Variants in AP3M2 observed in about 807,000 individuals in gnomAD.
AP3M2 encodes AP-3 complex subunit mu-2.
AP3M2 carries 28 observed loss-of-function variants against 41.6 expected under a neutral mutation model. That is an observed-to-expected ratio of 0.67 (90% confidence interval 0.50 to 0.92). The LOEUF (loss-of-function observed/expected upper bound fraction) is 0.92, where lower values mean the gene tolerates loss of function less well. AP3M2 is among the 40% of genes least tolerant of loss of function. The pLI is 0.00. For synonymous variants in AP3M2, 193 were observed against 186.4 expected (o/e 1.04, Z -0.29); for missense variants, 427 against 521.4 (o/e 0.82, Z 1.76).
At chr8:42,160,473 C>T (rs35076851) in intron 3 of AP3M2, among the ~76,000 whole-genome samples, 15,458 of 152,200 alleles carry the variant, frequency 0.1, 994 homozygotes, top group East Asian at 0.18. Context: ...TAAGTCCCTC[C>T]ACTTCACACT....
In AP3M2 at chr8:42,162,646, A is replaced by G. The variant is rs540251729; in HGVS notation, c.583+228A>G. Reference sequence around the variant, plus strand: ...CTTTATTGGTCTTATCCTCTTGAATAAAAAAGAGAAGTAACAGGCCAGATG... The same window carrying G: ...CTTTATTGGTCTTATCCTCTTGAATGAAAAAGAGAAGTAACAGGCCAGATG... On this transcript the variant is annotated intron_variant, in intron 4 of 8. Transcript: ENST00000396926. Among the ~76,000 whole-genome samples the G allele has an allele frequency of 6.6e-5, 10 of 152,222 alleles. No individual in the cohort carries two copies. In the South Asian group the frequency reaches 2.1e-3, roughly 32 times the overall value.
At chr8:42,158,213 C>T in intron 3 of AP3M2, 101 bp downstream of exon 3, 3 of 1,204,352 alleles carry the variant, frequency 2.5e-6, no homozygotes, top group Non-Finnish European at 3.5e-6. Context: ...TTGGGGATCT[C>T]AGGTGTCCCA....
rs1804724617 is a variant in AP3M2 at position 42,169,132 on chromosome 8, T to A, written c.*71T>A. 7.7e-7 allele frequency: 1 copy of A among 1,301,172 alleles called. No individual in the cohort carries two copies. The highest frequency in any genetic ancestry group is 1.1e-6 in the Non-Finnish European group (1 of 932,296). The allele number at this position is 1,301,172 out of a possible 1,614,324, so 80.6% of individuals were successfully genotyped here. On this transcript the variant is annotated 3_prime_UTR_variant, in exon 9 of 9. Transcript: ENST00000396926. ...TTACTTGTCTAAAAGTAAAAAAAAA[T>A]ATCAGCCTGTCTCCTAGGTCAGTCC...
chr8:42,153,535 TGGGCACCGCAGG>T (rs1488509896), intron 1 of AP3M2: 1 of 152,522 alleles, frequency 6.6e-6, no homozygotes, highest in African/African-American at 2.4e-5. Flanking sequence ...CAGGCGGCGC[TGGGCACCGCAGG>T]CCTCTGCGTT....
chr8:42,157,543 C>T (rs1804386161), intron 2 of AP3M2, among the ~76,000 whole-genome samples: 1 of 152,134 alleles, frequency 6.6e-6, no homozygotes, highest in Non-Finnish European at 1.5e-5. Context: ...TAAGAAATAG[C>T]ACAGCAGTAG....
intron 6 of AP3M2, chr8:42,166,902 T>A: frequency 2.2e-6 from 1 of 455,126 alleles, no homozygotes. Flanking sequence ...ACATTATGCC[T>A]TTGTCATAGT....
In AP3M2 at chr8:42,163,521, A is replaced by G. The variant is rs74196694; in HGVS notation, c.583+1103A>G. On this transcript the variant is annotated intron_variant, in intron 4 of 8. Transcript: ENST00000396926. ...TACCCACCCCTGAGCAAAGTGCAAC[A>G]GAGAGGTGGGGGTGTTTATGCTTCA... 1.6e-4 allele frequency among the ~76,000 whole-genome samples: 25 copies of G among 152,340 alleles called. No homozygotes were observed. The East Asian group carries it at 4.4e-3, about 27-fold the overall frequency.
chr8:42,154,793 C>A lies in AP3M2; in HGVS notation c.106C>A (p.Gln36Lys). ...RSVCDYFFEA[Q>K]ERATEAENVP... ...TGTTTGTGATTACTTTTTTGAGGCG[C>A]AAGAGAGAGCTACTGAGGCAGAAAA... The change falls in exon 2 of 9, where the codon CAA becomes AAA. Residue 36 changes from glutamine to lysine, a missense_variant. Transcript: ENST00000396926. The A allele has an allele frequency of 6.2e-7, 1 of 1,614,128 alleles. No homozygotes were observed. Among genetic ancestry groups the A allele is most frequent in the Non-Finnish European group, 8.5e-7 (1 of 1,180,024 alleles).
At position 42,169,780 on chromosome 8, in the gene AP3M2, A is replaced by G. The variant is rs1231646815; in HGVS notation, c.*719A>G. 6.6e-6 allele frequency: 1 copy of G among 152,242 alleles called. No homozygotes were observed. The highest frequency in any genetic ancestry group is 2.4e-5 in the African/African-American group (1 of 41,472). The allele number at this position is 152,242 out of a possible 1,614,324, so 9.4% of individuals were successfully genotyped here. A position where few individuals can be genotyped will look rare whatever the true frequency, so the allele number is the denominator to read the frequency against. On this transcript the variant is annotated 3_prime_UTR_variant, in exon 9 of 9. Transcript: ENST00000396926. ...GATGGTATCGGACTAGTTTTCAGAC[A>G]CTGCCTGTTGCTGTCCATCAGCACT...
At chr8:42,162,125 T>C in intron 3 of AP3M2, 156 bp from the exon 4 acceptor site, 4 of 607,548 alleles carry the variant, frequency 6.6e-6, no homozygotes, top group African/African-American at 3.8e-5. Flanking sequence ...ATAGACTAGG[T>C]TACCCCATAT....
chr8:42,162,200 AGC>A (rs1242865256), intron 3 of AP3M2, 79 bp from the exon 4 acceptor site: 17 of 1,370,916 alleles, frequency 1.2e-5, no homozygotes, highest in Admixed American at 2.4e-5. Context: ...GAATAGTGGG[AGC>A]ATAGAAACTT....
intron 4 of AP3M2, among the ~76,000 whole-genome samples, chr8:42,164,848 C>T (rs971192526): frequency 6.6e-6 from 1 of 152,092 alleles, no homozygotes; most frequent in African/African-American, 2.4e-5. Context: ...CATAGTGTCT[C>T]ATGCTTGATG....
intron 3 of AP3M2, among the ~76,000 whole-genome samples, chr8:42,159,784 A>G (rs986254856): frequency 2.0e-5 from 3 of 152,208 alleles, no homozygotes; most frequent in Non-Finnish European, 4.4e-5. Context: ...AAGCATTTTC[A>G]TGGAATTTTA....
At chr8:42,162,196 T>C in intron 3 of AP3M2, 85 bp from the exon 4 acceptor site, 1 of 1,344,810 alleles carries the variant, frequency 7.4e-7, no homozygotes, top group South Asian at 1.6e-5. Flanking sequence ...GCATGAATAG[T>C]GGGAGCATAG....
chr8:42,160,429 G>A (rs944910497), intron 3 of AP3M2, among the ~76,000 whole-genome samples: 1 of 152,114 alleles, frequency 6.6e-6, no homozygotes, highest in Non-Finnish European at 1.5e-5. Context: ...TAACTATATT[G>A]TATTAGGGCA....
chr8:42,154,330 T>G (rs1358334943), intron 1 of AP3M2: 3 of 198,482 alleles, frequency 1.5e-5, no homozygotes, highest in African/African-American at 7.1e-5. Context: ...CACGGCCCTT[T>G]TCTTCAAGGA....
At chr8:42,156,065 A>G (rs988773357) in intron 2 of AP3M2, 2 of 453,362 alleles carry the variant, frequency 4.4e-6, no homozygotes, top group South Asian at 3.1e-5. Flanking sequence ...AGTATGTGGA[A>G]GAACTAGAAG....
chr8:42,166,008 T>C (rs1034722673), intron 6 of AP3M2, among the ~76,000 whole-genome samples: 1 of 152,190 alleles, frequency 6.6e-6, no homozygotes, highest in Admixed American at 6.5e-5. Flanking sequence ...TCTAAAGGCT[T>C]TTGGAAGCAG....
intron 2 of AP3M2, among the ~76,000 whole-genome samples, chr8:42,156,868 C>G (rs908675366): frequency 3.3e-5 from 5 of 152,082 alleles, no homozygotes; most frequent in Admixed American, 3.3e-4. Flanking sequence ...AAGAAAAAAA[C>G]TGAGGTGAAA....
Sources: gnomAD v4.1 joint callset for allele counts (sites outside exome capture counted in the v4.1 genomes callset) on GRCh38, gnomAD v4.1.1 for gene constraint, MANE v1.5 for transcripts, NCBI Gene and HGNC (gene_info 2026-07-23, HGNC 2026-07-21) for gene names.